VPS35L: variants seen among roughly 807,000 people sequenced by gnomAD.
VPS35L encodes VPS35 endosomal protein-sorting factor-like.
In VPS35L, 83 loss-of-function variants were observed where a neutral mutation model predicts 133.0. The observed-to-expected ratio is 0.62, with a 90% CI of 0.52 to 0.75. VPS35L has a LOEUF of 0.75. Ranked by LOEUF, VPS35L falls within the 30% of genes least tolerant of loss-of-function variation. VPS35L has a pLI of 0.00. For synonymous variants in VPS35L, 423 were observed against 449.9 expected, an observed-to-expected ratio of 0.94 and a Z score of 0.76; for missense variants, 1,083 against 1,206.8, an observed-to-expected ratio of 0.90 and a Z score of 1.52.
intron 28 of VPS35L, among the ~76,000 whole-genome samples, chr16:19,686,727 C>A (rs1250316224): frequency 6.6e-6 from 1 of 152,150 alleles, no homozygotes; most frequent in African/African-American, 2.4e-5. Context: ...TTCTCAAATG[C>A]GCCCTTTTCT....
rs1200092758 is a variant in VPS35L, at chr16:19,633,073, G to C, written c.1555-19G>C. Reference sequence around the variant, plus strand: ...CCATACAGTGTCTAATTCAGGTTTGGTTCCTTTTTCCTGCTTAGAAACGAG... The same window carrying C: ...CCATACAGTGTCTAATTCAGGTTTGCTTCCTTTTTCCTGCTTAGAAACGAG... On this transcript the variant is annotated intron_variant, in intron 18 of 30. Transcript: ENST00000417362. This position sits in a 1 kb window ranked among gnomAD's most constrained non-coding sequence, Gnocchi z 4.1. The C allele has an allele frequency of 1.9e-6, 3 of 1,612,518 alleles. No individual in the cohort carries two copies. Among genetic ancestry groups the C allele is most frequent in the Non-Finnish European group, 2.5e-6 (3 of 1,178,706 alleles).
chr16:19,660,738 T>G (rs1974456341), intron 26 of VPS35L, among the ~76,000 whole-genome samples: 1 of 152,218 alleles, frequency 6.6e-6, no homozygotes, highest in Non-Finnish European at 1.5e-5. Context: ...ATTGAGGGTG[T>G]TTGGTGAGAT....
intron 27 of VPS35L, among the ~76,000 whole-genome samples, chr16:19,669,800 A>T (rs1370226376): frequency 1.3e-5 from 2 of 151,822 alleles, no homozygotes; most frequent in African/African-American, 4.8e-5. Flanking sequence ...CCTCCTGAGT[A>T]GCTAGGATTA....
chr16:19,687,189 C>G lies in VPS35L; in HGVS notation c.2528-4164C>G, dbSNP rs537346727. ...GTTGCATGTGTGTGTGAGTGGCCTG[C>G]TCTAAACACACCTCTGGCCCCTTGG... On this transcript the variant is annotated intron_variant, in intron 28 of 30. Coordinates refer to ENST00000417362, the MANE Select transcript of VPS35L (RefSeq NM_020314.7). Among the ~76,000 whole-genome samples the G allele has an allele frequency of 3.9e-5, 6 of 152,304 alleles. No homozygotes were observed. The South Asian group carries it at 1.2e-3, about 32-fold the overall frequency.
intron 8 of VPS35L, among the ~76,000 whole-genome samples, chr16:19,597,382 A>G (rs953609402): frequency 2.0e-5 from 3 of 151,952 alleles, no homozygotes; most frequent in Non-Finnish European, 2.9e-5. Flanking sequence ...GAAAAAAAAA[A>G]AAAGAAAGGA....
intron 29 of VPS35L, among the ~76,000 whole-genome samples, chr16:19,692,156 G>A (rs1173184821): frequency 2.6e-5 from 4 of 151,966 alleles, no homozygotes; most frequent in East Asian, 1.9e-4. Context: ...GATTATAGGC[G>A]TGAGCCACTG....
chr16:19,648,283 G>T (rs1974016407), intron 24 of VPS35L, among the ~76,000 whole-genome samples: 1 of 151,924 alleles, frequency 6.6e-6, no homozygotes. Flanking sequence ...GGTTTTTTCT[G>T]GTCCTATTTT....
rs1361199537 is a variant in VPS35L at position 19,561,192 on chromosome 16, A to AC, written c.18-3655dup. Among the ~76,000 whole-genome samples, 7 of 151,930 alleles carry AC rather than the reference A, an allele frequency of 4.6e-5. 1 individual carries two copies. The highest frequency in any genetic ancestry group is 1.5e-4 in the African/African-American group (6 of 41,344). On this transcript the variant is annotated intron_variant, in intron 1 of 30. Coordinates refer to ENST00000417362, the MANE Select transcript of VPS35L (RefSeq NM_020314.7). Reference sequence around the variant, plus strand: ...AGACCATCCTGGCTAACACAGTGAAACCCCTATCTCTACTAAAAATACAAA... The same window carrying AC: ...AGACCATCCTGGCTAACACAGTGAAACCCCCTATCTCTACTAAAAATACAAA...
chr16:19,591,942 A>T (rs1333522086), intron 8 of VPS35L, 68 bp downstream of exon 8: 4 of 1,247,722 alleles, frequency 3.2e-6, no homozygotes, highest in Non-Finnish European at 4.7e-6. Context: ...TGGGTGGTAG[A>T]GTTACTGTAA....
intron 6 of VPS35L, chr16:19,579,370 T>A (rs1215905720): frequency 4.4e-6 from 2 of 456,800 alleles, no homozygotes; most frequent in East Asian, 7.1e-5. Context: ...TGAGCAAGGC[T>A]GGGTCGCCTA....
At chr16:19,684,740 T>C (rs1440106154) in intron 28 of VPS35L, among the ~76,000 whole-genome samples, 1 of 152,166 alleles carries the variant, frequency 6.6e-6, no homozygotes, top group Non-Finnish European at 1.5e-5. Context: ...GGGACGTGCA[T>C]TACACTGCTT....
At chr16:19,560,348 T>C (rs1597297997) in intron 1 of VPS35L, among the ~76,000 whole-genome samples, 1 of 152,246 alleles carries the variant, frequency 6.6e-6, no homozygotes, top group Non-Finnish European at 1.5e-5. Context: ...GTCATATTTC[T>C]GTTTTGATCT....
chr16:19,691,230 A>G (rs1166525314), intron 28 of VPS35L, 123 bp from the exon 29 acceptor site: 3 of 761,276 alleles, frequency 3.9e-6, no homozygotes, highest in Non-Finnish European at 6.9e-6. Flanking sequence ...CGCCACTTCC[A>G]TGTGCCCTGC....
intron 1 of VPS35L, among the ~76,000 whole-genome samples, chr16:19,564,238 C>T (rs112529678): frequency 5.3e-5 from 8 of 152,010 alleles, no homozygotes; most frequent in Admixed American, 3.3e-4. Flanking sequence ...CCACCACGCC[C>T]GGCTAATTTT....
At chr16:19,654,884 C>G (rs201352151) in intron 26 of VPS35L, among the ~76,000 whole-genome samples, 1 of 152,148 alleles carries the variant, frequency 6.6e-6, no homozygotes, top group Non-Finnish European at 1.5e-5. Context: ...GACCATGGAT[C>G]TGAATGTTGT....
chr16:19,611,519 A>G (rs980802111), intron 12 of VPS35L, among the ~76,000 whole-genome samples: 9 of 152,172 alleles, frequency 5.9e-5, no homozygotes, highest in Non-Finnish European at 1.0e-4. Context: ...AGGCGAGAAC[A>G]TGTAGCCTGT....
chr16:19,581,312 C>G (rs1415483262), intron 6 of VPS35L, among the ~76,000 whole-genome samples: 2 of 152,038 alleles, frequency 1.3e-5, no homozygotes, highest in Admixed American at 1.3e-4. Context: ...CTTCCAAGGC[C>G]AGACTTTCAA....
At chr16:19,581,896 C>A in intron 7 of VPS35L, 1 of 536,634 alleles carries the variant, frequency 1.9e-6, no homozygotes. Flanking sequence ...AAGCACTCTT[C>A]ACCCTAGGTT....
At chr16:19,596,864 C>T (rs1231607100) in intron 8 of VPS35L, among the ~76,000 whole-genome samples, 1 of 151,700 alleles carries the variant, frequency 6.6e-6, no homozygotes, top group East Asian at 2.0e-4. Flanking sequence ...ACTAAAAATA[C>T]AAAAATTAGC....
Sources: gnomAD v4.1 joint callset for allele counts (sites outside exome capture counted in the v4.1 genomes callset) on GRCh38, gnomAD v4.1.1 for gene constraint, Gnocchi (gnomAD v3.1) non-coding constraint, MANE v1.5 for transcripts, NCBI Gene and HGNC (gene_info 2026-07-23, HGNC 2026-07-21) for gene names.